AKT3: variants seen among roughly 807,000 people sequenced by gnomAD.
The protein encoded by AKT3 is AKT serine/threonine kinase 3.
AKT3 carries 15 observed loss-of-function variants against 65.3 expected under a neutral mutation model. The ratio of observed to expected loss-of-function variants is 0.23; its 90% CI spans 0.15 to 0.35. The LOEUF is 0.35. Among genes scored for constraint, AKT3 ranks in the 10% least tolerant of loss-of-function variants. The probability of loss-of-function intolerance (pLI) is 1.00; values close to 1 mark genes in which losing one functional copy is unlikely to be tolerated. For missense variants in AKT3, 243 were observed against 576.5 expected (o/e 0.42, Z 5.92); for synonymous variants, 206 against 183.8 (o/e 1.12, Z -0.98).
At chr1:243,770,601 T>C (rs1429443759) in intron 2 of AKT3, among the ~76,000 whole-genome samples, 3 of 152,058 alleles carry the variant, frequency 2.0e-5, no homozygotes, top group Non-Finnish European at 2.9e-5. Flanking sequence ...CCAAAAAGCC[T>C]TACAACCAAA....
At chr1:243,713,238 G>T (rs1216933132) in intron 2 of AKT3, among the ~76,000 whole-genome samples, 1 of 152,158 alleles carries the variant, frequency 6.6e-6, no homozygotes, top group Non-Finnish European at 1.5e-5. Flanking sequence ...CCTAACATTA[G>T]CCAAACAGGT....
chr1:243,693,394 C>T (rs1017488317), intron 3 of AKT3, among the ~76,000 whole-genome samples: 1 of 150,338 alleles, frequency 6.7e-6, no homozygotes, highest in Non-Finnish European at 1.5e-5. Flanking sequence ...TGAAGTAACC[C>T]TCTCTTGCAC....
intron 13 of AKT3, among the ~76,000 whole-genome samples, chr1:243,508,372 C>T (rs1201148513): frequency 2.6e-5 from 4 of 152,218 alleles, no homozygotes; most frequent in African/African-American, 4.8e-5. Context: ...CTCTGCTGAG[C>T]CACACAGACA....
intron 2 of AKT3, among the ~76,000 whole-genome samples, chr1:243,836,020 C>G (rs1333823201): frequency 6.6e-6 from 1 of 151,864 alleles, no homozygotes; most frequent in Non-Finnish European, 1.5e-5. Context: ...ATGACACAAA[C>G]AGAAAACTCA....
chr1:243,641,258 G>GTATATATA (rs74162300), intron 5 of AKT3, among the ~76,000 whole-genome samples: 17 of 141,184 alleles, frequency 1.2e-4, no homozygotes, highest in Admixed American at 4.3e-4. Context: ...ATGTGTGTGT[G>GTATATATA]TATATATATA....
chr1:243,726,793 A>G (rs1261021376), intron 2 of AKT3, among the ~76,000 whole-genome samples: 1 of 150,792 alleles, frequency 6.6e-6, no homozygotes, highest in East Asian at 1.9e-4. Flanking sequence ...GGGCATCCTC[A>G]TGAAAAAACA....
chr1:243,670,948 A>G (rs1683116309), intron 3 of AKT3, among the ~76,000 whole-genome samples: 1 of 152,228 alleles, frequency 6.6e-6, no homozygotes, highest in Admixed American at 6.5e-5. Context: ...AAAAATTTTT[A>G]GAGATCATCT....
intron 2 of AKT3, among the ~76,000 whole-genome samples, chr1:243,827,829 G>A (rs1391281060): frequency 6.6e-6 from 1 of 152,062 alleles, no homozygotes; most frequent in Non-Finnish European, 1.5e-5. Context: ...AATTACTACA[G>A]ACAAACATGA....
chr1:243,847,179 T>A (rs1054270090), intron 1 of AKT3, among the ~76,000 whole-genome samples: 10 of 152,196 alleles, frequency 6.6e-5, no homozygotes, highest in African/African-American at 2.4e-4. Flanking sequence ...CATATTAACT[T>A]AAAAATAAAA....
intron 10 of AKT3, among the ~76,000 whole-genome samples, chr1:243,560,534 A>G (rs1673703148): frequency 1.3e-5 from 2 of 152,170 alleles, no homozygotes; most frequent in South Asian, 4.1e-4. Context: ...AATAACAACA[A>G]TAATCACTCT....
intron 2 of AKT3, among the ~76,000 whole-genome samples, chr1:243,781,824 T>C (rs1391233288): frequency 6.6e-6 from 1 of 152,172 alleles, no homozygotes; most frequent in Non-Finnish European, 1.5e-5. Context: ...GATGGATTTA[T>C]TTAATCATTC....
intron 12 of AKT3, among the ~76,000 whole-genome samples, chr1:243,541,562 T>C (rs1230162869): frequency 1.3e-5 from 2 of 152,158 alleles, no homozygotes; most frequent in Non-Finnish European, 2.9e-5. Flanking sequence ...TGGAGAATAA[T>C]AGTTAGAAAC....
intron 2 of AKT3, among the ~76,000 whole-genome samples, chr1:243,828,646 T>C (rs1344728954): frequency 2.0e-5 from 3 of 152,226 alleles, no homozygotes; most frequent in Non-Finnish European, 2.9e-5. Context: ...ATAACATTTT[T>C]TCTCTTACTT....
chr1:243,516,930 TTTC>T (rs969463191), intron 12 of AKT3, among the ~76,000 whole-genome samples: 2 of 152,230 alleles, frequency 1.3e-5, no homozygotes, highest in Non-Finnish European at 2.9e-5. Flanking sequence ...ATTTTACACT[TTTC>T]TTCTTTTCTA....
intron 8 of AKT3, among the ~76,000 whole-genome samples, chr1:243,602,764 C>T (rs759976572): frequency 6.6e-6 from 1 of 152,024 alleles, no homozygotes; most frequent in African/African-American, 2.4e-5. Context: ...AATAGTAGTA[C>T]ATAACTGAAA....
chr1:243,730,032 C>T (rs1427618052), intron 2 of AKT3, among the ~76,000 whole-genome samples: 1 of 152,210 alleles, frequency 6.6e-6, no homozygotes, highest in East Asian at 1.9e-4. Context: ...ACCCAACCTT[C>T]AGGGCACACA....
At chr1:243,629,399 A>G (rs1679430884) in intron 6 of AKT3, among the ~76,000 whole-genome samples, 1 of 152,238 alleles carries the variant, frequency 6.6e-6, no homozygotes, top group African/African-American at 2.4e-5. Flanking sequence ...ATGGTCATCA[A>G]AAGAACTTCT....
chr1:243,762,022 G>A (rs2148247364), intron 2 of AKT3, among the ~76,000 whole-genome samples: 1 of 151,972 alleles, frequency 6.6e-6, no homozygotes, highest in South Asian at 2.1e-4. Flanking sequence ...CAGGATACCT[G>A]GCAACTGTAA....
rs367629733 is a variant in AKT3 at position 243,578,522 on chromosome 1, A to G, written c.697-5474T>C. ...CACAGGGAGAACACCACCACACATT[A>G]GGGCTTGTGGGGCAGAGCCAAGGGA... On this transcript the variant is annotated intron_variant, in intron 8 of 13. Transcript: ENST00000673466. Among the ~76,000 whole-genome samples the G allele has an allele frequency of 4.6e-5, 7 of 152,218 alleles. No individual in the cohort carries two copies. In the East Asian group the frequency reaches 1.2e-3, roughly 25 times the overall value.
Sources: gnomAD v4.1 joint callset for allele counts (sites outside exome capture counted in the v4.1 genomes callset) on GRCh38, gnomAD v4.1.1 for gene constraint, MANE v1.5 for transcripts, NCBI Gene and HGNC (gene_info 2026-07-23, HGNC 2026-07-21) for gene names.